The following SYNPO2 variants were observed in gnomAD, a reference collection of about 807,000 sequenced individuals.
SYNPO2 encodes the protein synaptopodin-2.
Under a neutral mutation model 85.0 loss-of-function variants are expected in SYNPO2, and 56 were observed. The ratio of observed to expected loss-of-function variants is 0.66; its 90% CI spans 0.53 to 0.82. The LOEUF (loss-of-function observed/expected upper bound fraction) is 0.82, where lower values mean the gene tolerates loss of function less well. Ranked by LOEUF, SYNPO2 falls within the 40% of genes least tolerant of loss-of-function variation. The pLI, the probability that SYNPO2 is intolerant of heterozygous loss-of-function variation, is 0.00. For synonymous variants in SYNPO2, 602 were observed against 591.1 expected, an observed-to-expected ratio of 1.02 and a Z score of -0.27; for missense variants, 1,575 against 1,534.2, an observed-to-expected ratio of 1.03 and a Z score of -0.44.
At chr4:119,019,147 C>T (rs561153894) in intron 1 of SYNPO2, among the ~76,000 whole-genome samples, 2 of 152,144 alleles carry the variant, frequency 1.3e-5, no homozygotes, top group East Asian at 3.9e-4. Context: ...GTAATGTGTA[C>T]AACAACCCCC....
chr4:119,052,558 T>C (rs1739087882), intron 4 of SYNPO2, among the ~76,000 whole-genome samples: 1 of 152,178 alleles, frequency 6.6e-6, no homozygotes, highest in African/African-American at 2.4e-5. Flanking sequence ...ACTCCTTTTT[T>C]TCCTCCAACC....
chr4:119,000,821 G>A (rs1461994695), intron 1 of SYNPO2, among the ~76,000 whole-genome samples: 1 of 152,186 alleles, frequency 6.6e-6, no homozygotes, highest in Admixed American at 6.5e-5. Context: ...TTTGCAGAGA[G>A]GGTCCATGTC....
intron 1 of SYNPO2, among the ~76,000 whole-genome samples, chr4:118,882,296 T>C (rs1732119183): frequency 6.6e-6 from 1 of 151,998 alleles, no homozygotes. Context: ...AATGATTTGA[T>C]TCCTTAAAAA....
At chr4:119,046,256 C>T (rs753077225) in intron 4 of SYNPO2, among the ~76,000 whole-genome samples, 1 of 152,172 alleles carries the variant, frequency 6.6e-6, no homozygotes, top group Non-Finnish European at 1.5e-5. Flanking sequence ...CACATTCCTC[C>T]TTCATGTTGG....
intron 1 of SYNPO2, among the ~76,000 whole-genome samples, chr4:118,876,535 C>T (rs1731910596): frequency 6.6e-6 from 1 of 152,166 alleles, no homozygotes; most frequent in Non-Finnish European, 1.5e-5. Flanking sequence ...TCCTTTGTGG[C>T]TCATAGGTAG....
chr4:118,918,344 A>G (rs1042598984), intron 1 of SYNPO2, among the ~76,000 whole-genome samples: 2 of 152,198 alleles, frequency 1.3e-5, no homozygotes, highest in African/African-American at 4.8e-5. Flanking sequence ...GAAAAACATT[A>G]AACAAACCTA....
intron 1 of SYNPO2, among the ~76,000 whole-genome samples, chr4:118,891,416 A>G (rs540732477): frequency 6.6e-5 from 10 of 152,314 alleles, no homozygotes; most frequent in African/African-American, 2.4e-4. Flanking sequence ...CTAAAGAGCT[A>G]TCTATAGAAG....
At chr4:118,896,268 G>A (rs73842299) in intron 1 of SYNPO2, among the ~76,000 whole-genome samples, 2,044 of 151,946 alleles carry the variant, frequency 0.013, 56 homozygotes, top group African/African-American at 0.047. Context: ...TTTTTAATGG[G>A]CCTAAGGAAA....
At chr4:118,874,840 T>G (rs955729007) in intron 1 of SYNPO2, among the ~76,000 whole-genome samples, 1 of 152,132 alleles carries the variant, frequency 6.6e-6, no homozygotes, top group African/African-American at 2.4e-5. Context: ...ATACACAAAA[T>G]TCAGATACAT....
At chr4:118,987,775 C>G (rs181062157) in intron 1 of SYNPO2, among the ~76,000 whole-genome samples, 46 of 152,058 alleles carry the variant, frequency 3.0e-4, no homozygotes, top group Non-Finnish European at 5.6e-4. Context: ...TGTTATTACT[C>G]TGCTCCATTT....
At chr4:119,037,399 A>G (rs891837297) in intron 4 of SYNPO2, 2 of 1,205,410 alleles carry the variant, frequency 1.7e-6, no homozygotes, top group Admixed American at 4.1e-5. Flanking sequence ...AAAAATTCAC[A>G]TTCTAAGAAT....
At chr4:118,925,323 A>G (rs943541597) in intron 1 of SYNPO2, among the ~76,000 whole-genome samples, 2 of 152,172 alleles carry the variant, frequency 1.3e-5, no homozygotes, top group African/African-American at 2.4e-5. Context: ...TAGGCTCACC[A>G]GCCAGTAATA....
At chr4:118,871,859 G>A (rs1195231358) in intron 1 of SYNPO2, among the ~76,000 whole-genome samples, 19 of 152,180 alleles carry the variant, frequency 1.2e-4, no homozygotes, top group Admixed American at 7.9e-4. Flanking sequence ...GTGAGCCACC[G>A]CACCTGGCCT....
intron 1 of SYNPO2, among the ~76,000 whole-genome samples, chr4:118,963,950 A>G (rs1355064180): frequency 2.6e-5 from 4 of 152,032 alleles, no homozygotes; most frequent in South Asian, 4.2e-4. Context: ...CAATCAATCA[A>G]CCTTCTAATC....
intron 1 of SYNPO2, among the ~76,000 whole-genome samples, chr4:118,970,626 C>T (rs1162381595): frequency 6.6e-6 from 1 of 152,254 alleles, no homozygotes; most frequent in East Asian, 1.9e-4. Flanking sequence ...AGCAGATAAC[C>T]TCATTTCATT....
intron 1 of SYNPO2, among the ~76,000 whole-genome samples, chr4:118,990,509 G>A (rs1451005720): frequency 6.6e-6 from 1 of 152,208 alleles, no homozygotes; most frequent in Non-Finnish European, 1.5e-5. Context: ...CATGGTCCTT[G>A]TTCTCATGGA....
chr4:118,968,810 C>T (rs1158524734), intron 1 of SYNPO2, among the ~76,000 whole-genome samples: 3 of 152,162 alleles, frequency 2.0e-5, no homozygotes, highest in African/African-American at 7.2e-5. Flanking sequence ...AAGTTAAAAA[C>T]AAATTTTTGC....
intron 1 of SYNPO2, among the ~76,000 whole-genome samples, chr4:118,973,844 C>T (rs192687071): frequency 6.6e-6 from 1 of 152,282 alleles, no homozygotes; most frequent in African/African-American, 2.4e-5. Flanking sequence ...CAATCAGTAG[C>T]CACTGGACAT....
intron 1 of SYNPO2, among the ~76,000 whole-genome samples, chr4:119,023,009 C>A (rs974767094): frequency 4.6e-5 from 7 of 151,908 alleles, no homozygotes; most frequent in Non-Finnish European, 2.9e-5. Context: ...AACTCCTGAC[C>A]TCGTGATCCA....
Sources: gnomAD v4.1 joint callset for allele counts (sites outside exome capture counted in the v4.1 genomes callset) on GRCh38, gnomAD v4.1.1 for gene constraint, MANE v1.5 for transcripts, NCBI Gene and HGNC (gene_info 2026-07-23, HGNC 2026-07-21) for gene names.